The following MAGI2 variants were observed in gnomAD, a reference collection of about 807,000 sequenced individuals.
MAGI2 encodes membrane-associated guanylate kinase, WW and PDZ domain-containing protein 2.
In MAGI2, 35 loss-of-function variants were observed where a neutral mutation model predicts 133.3. That is an observed-to-expected ratio of 0.26 (90% CI 0.20 to 0.35). The LOEUF is 0.35. Ranked by LOEUF, MAGI2 falls within the 10% of genes least tolerant of loss-of-function variation. The pLI, the probability that MAGI2 is intolerant of heterozygous loss-of-function variation, is 1.00. For missense variants in MAGI2, 1,636 were observed against 1,863.4 expected (o/e 0.88, Z 2.25); for synonymous variants, 729 against 710.6 (o/e 1.03, Z -0.41).
intron 3 of MAGI2, among the ~76,000 whole-genome samples, chr7:78,624,109 G>A (rs1055366098): frequency 4.6e-5 from 7 of 151,640 alleles, no homozygotes; most frequent in Non-Finnish European, 5.9e-5. Flanking sequence ...CATGTTTGTT[G>A]GCCACTTGTA....
intron 1 of MAGI2, among the ~76,000 whole-genome samples, chr7:79,280,678 C>T (rs970020170): frequency 1.3e-5 from 2 of 151,784 alleles, no homozygotes; most frequent in African/African-American, 4.8e-5. Flanking sequence ...CCTGTAACCC[C>T]AGTATTTTGG....
intron 9 of MAGI2, among the ~76,000 whole-genome samples, chr7:78,280,795 C>T (rs1399595294): frequency 1.3e-5 from 2 of 150,988 alleles, no homozygotes; most frequent in African/African-American, 2.4e-5. Context: ...TCAAGTCCCT[C>T]CCCCGACCAT....
chr7:78,822,536 C>G (rs150412904), intron 2 of MAGI2, among the ~76,000 whole-genome samples: 1 of 152,092 alleles, frequency 6.6e-6, no homozygotes, highest in East Asian at 1.9e-4. Context: ...TGCCTTCCTT[C>G]TTTTCTTCTC....
At chr7:78,923,901 G>T (rs1032738775) in intron 2 of MAGI2, among the ~76,000 whole-genome samples, 5 of 152,074 alleles carry the variant, frequency 3.3e-5, no homozygotes, top group Non-Finnish European at 7.4e-5. Context: ...CCTTGAAGAG[G>T]TCTTTCACGT....
At chr7:78,224,781 G>T (rs1483674571) in intron 10 of MAGI2, among the ~76,000 whole-genome samples, 2 of 144,816 alleles carry the variant, frequency 1.4e-5, no homozygotes, top group Non-Finnish European at 3.0e-5. Context: ...TTCCACCTTT[G>T]TCCTATTTCA....
rs554507558 is a variant in MAGI2, at chr7:78,535,537, G to T, written c.539-13892C>A. Among the ~76,000 whole-genome samples, 43 of 152,098 alleles carry T rather than the reference G, an allele frequency of 2.8e-4. No individual in the cohort carries two copies. In the South Asian group the frequency reaches 7.9e-3, roughly 28 times the overall value. On this transcript the variant is annotated intron_variant, in intron 3 of 21. Coordinates refer to ENST00000354212, the MANE Select transcript of MAGI2 (RefSeq NM_012301.4). ...TAAAAATTATAACTGAGGAAATCAT[G>T]ACAATGAAAGAGCTCTGTCCTGACT...
chr7:79,374,210 T>A (rs1843232180), intron 1 of MAGI2, among the ~76,000 whole-genome samples: 1 of 151,862 alleles, frequency 6.6e-6, no homozygotes, highest in Non-Finnish European at 1.5e-5. Flanking sequence ...GGATGTGGCT[T>A]TTTTTGGAAA....
intron 1 of MAGI2, among the ~76,000 whole-genome samples, chr7:79,384,785 C>A (rs1844060008): frequency 6.6e-6 from 1 of 151,582 alleles, no homozygotes; most frequent in African/African-American, 2.4e-5. Flanking sequence ...TTTTAGGACA[C>A]TTTGTGTTTT....
At chr7:78,572,331 T>C (rs1801585593) in intron 3 of MAGI2, among the ~76,000 whole-genome samples, 1 of 152,136 alleles carries the variant, frequency 6.6e-6, no homozygotes, top group South Asian at 2.1e-4. Flanking sequence ...AATATTGAAA[T>C]GCAAATTTAA....
rs1387845957 is a variant in MAGI2 at position 78,018,190 on chromosome 7, G to A, written c.*1125C>T. On this transcript the variant is annotated 3_prime_UTR_variant, in exon 22 of 22. Transcript: ENST00000354212. ...ATGGAAACAAAAGGACAAAGGGTAA[G>A]GAAAGAAGGATAAGCAGAAAGGAAT... 6.6e-6 allele frequency: 1 copy of A among 152,482 alleles called. No homozygotes were observed. Among genetic ancestry groups the A allele is most frequent in the Non-Finnish European group, 1.5e-5 (1 of 68,024 alleles). The allele number at this position is 152,482 out of a possible 1,614,324, so 9.4% of individuals were successfully genotyped here.
At chr7:79,230,633 G>C (rs1831284321) in intron 1 of MAGI2, among the ~76,000 whole-genome samples, 1 of 149,450 alleles carries the variant, frequency 6.7e-6, no homozygotes, top group African/African-American at 2.4e-5. Flanking sequence ...ACTTTTTGAT[G>C]GGGTTGTTTG....
intron 9 of MAGI2, among the ~76,000 whole-genome samples, chr7:78,267,374 G>A (rs1029867508): frequency 6.6e-6 from 1 of 152,170 alleles, no homozygotes; most frequent in African/African-American, 2.4e-5. Context: ...AGGGTTTGAC[G>A]AGAGAGCCCT....
intron 2 of MAGI2, among the ~76,000 whole-genome samples, chr7:78,831,986 T>G (rs956788675): frequency 1.3e-5 from 2 of 152,178 alleles, no homozygotes; most frequent in Non-Finnish European, 2.9e-5. Flanking sequence ...TAGGCTGTCA[T>G]TACCTGCAGA....
At chr7:78,312,935 T>A (rs540676050) in intron 9 of MAGI2, among the ~76,000 whole-genome samples, 19 of 150,464 alleles carry the variant, frequency 1.3e-4, no homozygotes, top group Non-Finnish European at 2.4e-4. Context: ...ATATATATAT[T>A]TTATATATAT....
chr7:78,857,348 C>T (rs1427837611), intron 2 of MAGI2, among the ~76,000 whole-genome samples: 1 of 152,252 alleles, frequency 6.6e-6, no homozygotes, highest in African/African-American at 2.4e-5. Flanking sequence ...AAAGGGAATG[C>T]TTCCAGTTTT....
At chr7:79,281,956 T>C (rs1835674366) in intron 1 of MAGI2, among the ~76,000 whole-genome samples, 1 of 152,160 alleles carries the variant, frequency 6.6e-6, no homozygotes, top group South Asian at 2.1e-4. Flanking sequence ...TTTTTACCTT[T>C]TCATGATTCC....
chr7:78,797,685 T>C (rs763555487), intron 2 of MAGI2, among the ~76,000 whole-genome samples: 9 of 152,208 alleles, frequency 5.9e-5, no homozygotes, highest in Non-Finnish European at 1.0e-4. Flanking sequence ...AAAAGTTTTA[T>C]GGTTATATCT....
intron 2 of MAGI2, among the ~76,000 whole-genome samples, chr7:78,731,227 T>A (rs1821343150): frequency 6.6e-6 from 1 of 152,094 alleles, no homozygotes; most frequent in Admixed American, 6.5e-5. Flanking sequence ...AGAGGAAGAA[T>A]TAGTTCAGGT....
intron 2 of MAGI2, among the ~76,000 whole-genome samples, chr7:78,990,518 C>G (rs1037625093): frequency 5.3e-5 from 8 of 152,016 alleles, no homozygotes; most frequent in African/African-American, 9.7e-5. Flanking sequence ...CTTCTAGCTG[C>G]TGCCATCTAT....
Sources: gnomAD v4.1 joint callset for allele counts (sites outside exome capture counted in the v4.1 genomes callset) on GRCh38, gnomAD v4.1.1 for gene constraint, MANE v1.5 for transcripts, NCBI Gene and HGNC (gene_info 2026-07-23, HGNC 2026-07-21) for gene names.